Variants in KCNB2 observed in about 807,000 individuals in gnomAD.
The protein encoded by KCNB2 is delayed rectifier potassium channel protein.
Under a neutral mutation model 61.5 loss-of-function variants are expected in KCNB2, and 15 were observed. The observed-to-expected ratio is 0.24, with a 90% CI of 0.16 to 0.38. The LOEUF (loss-of-function observed/expected upper bound fraction) is 0.38. KCNB2 is among the 10% of genes least tolerant of loss of function. The pLI, the probability that KCNB2 is intolerant of heterozygous loss-of-function variation, is 1.00. For missense variants in KCNB2, 828 were observed against 1,125.2 expected, an observed-to-expected ratio of 0.74 and a Z score of 3.78; for synonymous variants, 457 against 446.0, an observed-to-expected ratio of 1.02 and a Z score of -0.31.
At chr8:72,637,552 T>C (rs1321575072) in intron 2 of KCNB2, among the ~76,000 whole-genome samples, 1 of 152,128 alleles carries the variant, frequency 6.6e-6, no homozygotes, top group Non-Finnish European at 1.5e-5. Flanking sequence ...AATGAGGAAA[T>C]GTAAACAGCA....
At chr8:72,729,535 C>A (rs913128578) in intron 2 of KCNB2, among the ~76,000 whole-genome samples, 6 of 152,164 alleles carry the variant, frequency 3.9e-5, no homozygotes, top group African/African-American at 1.4e-4. Flanking sequence ...GAAGACAAAT[C>A]CATTTTATGA....
chr8:72,680,611 A>T (rs1806734879), intron 2 of KCNB2, among the ~76,000 whole-genome samples: 1 of 152,146 alleles, frequency 6.6e-6, no homozygotes, highest in African/African-American at 2.4e-5. Context: ...AAGGGTAAGG[A>T]GAATGGGTTT....
Position 72,755,688 on chromosome 8 carries a change from C to G in KCNB2, c.580-180247C>G, listed in dbSNP as rs544701499. Among the ~76,000 whole-genome samples the G allele has an allele frequency of 2.1e-3, 318 of 152,280 alleles. 1 individual carries two copies. The highest frequency in any genetic ancestry group is 7.4e-3 in the African/African-American group (309 of 41,554). ...ACCCGACAGTACACAATTCTAGAAT[C>G]CAAGAGGTCTTAGTTGTCATTTGTA... On this transcript the variant is annotated intron_variant, in intron 2 of 2. Coordinates refer to ENST00000523207, the MANE Select transcript of KCNB2 (RefSeq NM_004770.3).
At chr8:72,829,087 T>A (rs985986035) in intron 2 of KCNB2, among the ~76,000 whole-genome samples, 15 of 152,180 alleles carry the variant, frequency 9.9e-5, no homozygotes, top group African/African-American at 3.6e-4. Flanking sequence ...AGATTCTAAA[T>A]ATCTGCCCCC....
intron 1 of KCNB2, among the ~76,000 whole-genome samples, chr8:72,563,691 G>A (rs1254430982): frequency 6.6e-6 from 1 of 152,006 alleles, no homozygotes; most frequent in African/African-American, 2.4e-5. Flanking sequence ...ATGGCAAGCA[G>A]GCAAGCAGAA....
intron 2 of KCNB2, among the ~76,000 whole-genome samples, chr8:72,603,608 T>C (rs1318773312): frequency 6.6e-6 from 1 of 152,184 alleles, no homozygotes; most frequent in East Asian, 1.9e-4. Context: ...CAACACAGAC[T>C]CTGAGCCAGA....
intron 2 of KCNB2, among the ~76,000 whole-genome samples, chr8:72,898,401 CCTG>C (rs2129006428): frequency 6.6e-6 from 1 of 151,976 alleles, no homozygotes; most frequent in Non-Finnish European, 1.5e-5. Context: ...ATGTAACTAA[CCTG>C]CACGTTGTGT....
At chr8:72,918,800 G>T (rs963958220) in intron 2 of KCNB2, among the ~76,000 whole-genome samples, 47 of 152,298 alleles carry the variant, frequency 3.1e-4, no homozygotes, top group Non-Finnish European at 6.0e-4. Flanking sequence ...GGCTCATTGG[G>T]TTGCAGTTTT....
At chr8:72,654,831 G>A (rs891225442) in intron 2 of KCNB2, among the ~76,000 whole-genome samples, 14 of 152,158 alleles carry the variant, frequency 9.2e-5, no homozygotes, top group Non-Finnish European at 1.8e-4. Context: ...CGGGGAAAAG[G>A]GAATGCTTAT....
At chr8:72,905,611 A>C (rs1177818951) in intron 2 of KCNB2, among the ~76,000 whole-genome samples, 1 of 152,140 alleles carries the variant, frequency 6.6e-6, no homozygotes, top group Non-Finnish European at 1.5e-5. Context: ...TGCTGTGGGC[A>C]TTTGTTTCTG....
chr8:72,845,071 T>G (rs937598914), intron 2 of KCNB2, among the ~76,000 whole-genome samples: 2 of 152,234 alleles, frequency 1.3e-5, no homozygotes, highest in Non-Finnish European at 2.9e-5. Context: ...CTCATCTTCT[T>G]GGATTTATCT....
intron 2 of KCNB2, among the ~76,000 whole-genome samples, chr8:72,863,042 A>G (rs2129004176): frequency 6.6e-6 from 1 of 152,324 alleles, no homozygotes; most frequent in Admixed American, 6.5e-5. Flanking sequence ...CCCTATTCCA[A>G]GTATTCTTTT....
intron 2 of KCNB2, among the ~76,000 whole-genome samples, chr8:72,813,473 T>C (rs1809340271): frequency 6.6e-6 from 1 of 151,946 alleles, no homozygotes; most frequent in African/African-American, 2.4e-5. Context: ...ACAGTAAAGA[T>C]TGTAAGGTCC....
intron 2 of KCNB2, among the ~76,000 whole-genome samples, chr8:72,695,602 C>A (rs1165334788): frequency 6.6e-6 from 1 of 152,152 alleles, no homozygotes; most frequent in East Asian, 1.9e-4. Flanking sequence ...CTGATTCATT[C>A]ATGATCTTAT....
At chr8:72,682,612 A>G (rs796824089) in intron 2 of KCNB2, among the ~76,000 whole-genome samples, 3,541 of 150,490 alleles carry the variant, frequency 0.024, 133 homozygotes, top group African/African-American at 0.083. Context: ...AAAAAAAAAA[A>G]GGAGAGGATT....
chr8:72,711,218 CA>C (rs1807320242), intron 2 of KCNB2, among the ~76,000 whole-genome samples: 1 of 152,206 alleles, frequency 6.6e-6, no homozygotes, highest in African/African-American at 2.4e-5. Context: ...TGCTTCCACA[CA>C]AAACTACTTG....
At chr8:72,903,008 C>T (rs1373743581) in intron 2 of KCNB2, among the ~76,000 whole-genome samples, 1 of 152,168 alleles carries the variant, frequency 6.6e-6, no homozygotes, top group Non-Finnish European at 1.5e-5. Context: ...TGGATAACCT[C>T]TATTTTATTT....
chr8:72,594,804 G>T (rs947599471), intron 2 of KCNB2, among the ~76,000 whole-genome samples: 2 of 152,148 alleles, frequency 1.3e-5, no homozygotes, highest in Non-Finnish European at 2.9e-5. Context: ...TTTTAAAACA[G>T]TATAATAAAC....
At chr8:72,857,053 T>G (rs1810218718) in intron 2 of KCNB2, among the ~76,000 whole-genome samples, 1 of 152,198 alleles carries the variant, frequency 6.6e-6, no homozygotes, top group African/African-American at 2.4e-5. Context: ...TCTTGAGAAA[T>G]ATAATCTTAC....
Sources: gnomAD v4.1 joint callset for allele counts (sites outside exome capture counted in the v4.1 genomes callset) on GRCh38, gnomAD v4.1.1 for gene constraint, MANE v1.5 for transcripts, NCBI Gene and HGNC (gene_info 2026-07-23, HGNC 2026-07-21) for gene names.